The following RUNDC3B variants were observed in gnomAD, a reference collection of about 807,000 sequenced individuals.
The protein encoded by RUNDC3B is RUN domain containing 3B.
Under a neutral mutation model 58.4 loss-of-function variants are expected in RUNDC3B, and 33 were observed. The observed-to-expected ratio is 0.56, with a 90% CI of 0.43 to 0.75. RUNDC3B has a LOEUF of 0.75. RUNDC3B is among the 30% of genes least tolerant of loss of function. The pLI is 0.00. For synonymous variants in RUNDC3B, 193 were observed against 195.2 expected (o/e 0.99, Z 0.10); for missense variants, 501 against 535.7 (o/e 0.94, Z 0.64).
At chr7:87,640,291 C>T in intron 1 of RUNDC3B, among the ~76,000 whole-genome samples, 1 of 151,476 alleles carries the variant, frequency 6.6e-6, no homozygotes, top group East Asian at 1.9e-4. Flanking sequence ...CACATATTTA[C>T]CCTTTCCATT....
intron 10 of RUNDC3B, among the ~76,000 whole-genome samples, chr7:87,824,041 T>C (rs896977697): frequency 6.6e-6 from 1 of 152,330 alleles, no homozygotes; most frequent in East Asian, 1.9e-4. Context: ...TTCTGTATCC[T>C]ATTAAAGTAA....
At chr7:87,692,739 C>T (rs555234171) in intron 2 of RUNDC3B, among the ~76,000 whole-genome samples, 23 of 152,086 alleles carry the variant, frequency 1.5e-4, no homozygotes, top group Non-Finnish European at 3.1e-4. Flanking sequence ...ATGTTATTTG[C>T]AATGAAAAGC....
chr7:87,765,033 G>T (rs1833903222), intron 6 of RUNDC3B, among the ~76,000 whole-genome samples: 1 of 151,544 alleles, frequency 6.6e-6, no homozygotes, highest in African/African-American at 2.4e-5. Flanking sequence ...TTCAATCTTG[G>T]GAAGTGTAGG....
chr7:87,742,571 G>A (rs1584069492), intron 6 of RUNDC3B, among the ~76,000 whole-genome samples: 1 of 140,172 alleles, frequency 7.1e-6, no homozygotes, highest in South Asian at 2.3e-4. Flanking sequence ...TTCCATCATA[G>A]ATAAATAGAT....
chr7:87,638,811 G>C (rs574946656), intron 1 of RUNDC3B, among the ~76,000 whole-genome samples: 2 of 151,864 alleles, frequency 1.3e-5, no homozygotes, highest in Non-Finnish European at 2.9e-5. Flanking sequence ...CTGTCGACTC[G>C]TGTTATGACT....
At chr7:87,777,319 T>G (rs1834691138) in intron 7 of RUNDC3B, among the ~76,000 whole-genome samples, 2 of 152,214 alleles carry the variant, frequency 1.3e-5, no homozygotes, top group Admixed American at 6.5e-5. Flanking sequence ...CTTAAGTAAC[T>G]TGCCCAAGGA....
At chr7:87,661,261 A>G (rs1824685771) in intron 2 of RUNDC3B, among the ~76,000 whole-genome samples, 1 of 151,956 alleles carries the variant, frequency 6.6e-6, no homozygotes, top group Admixed American at 6.6e-5. Context: ...TGCATTACAA[A>G]CAATTCAATT....
chr7:87,643,089 A>G (rs1358827437), intron 1 of RUNDC3B, among the ~76,000 whole-genome samples: 2 of 151,960 alleles, frequency 1.3e-5, no homozygotes, highest in East Asian at 3.9e-4. Flanking sequence ...ACTAATTTTT[A>G]CATTTCCTTA....
intron 1 of RUNDC3B, among the ~76,000 whole-genome samples, chr7:87,639,705 T>G: frequency 6.6e-6 from 1 of 152,138 alleles, no homozygotes; most frequent in Non-Finnish European, 1.5e-5. Context: ...ACAGTTATAA[T>G]AGCTTTCTTT....
intron 2 of RUNDC3B, among the ~76,000 whole-genome samples, chr7:87,651,787 A>C (rs1823596360): frequency 6.6e-6 from 1 of 152,100 alleles, no homozygotes; most frequent in Non-Finnish European, 1.5e-5. Context: ...TAAGTGTTTA[A>C]ATGAGTTGAG....
chr7:87,700,680 G>A, intron 3 of RUNDC3B, 126 bp downstream of exon 3: 1 of 790,580 alleles, frequency 1.3e-6, no homozygotes. Context: ...AATACGTCCT[G>A]TTCTGTGATG....
At chr7:87,754,997 C>G (rs899207660) in intron 6 of RUNDC3B, among the ~76,000 whole-genome samples, 1 of 147,664 alleles carries the variant, frequency 6.8e-6, no homozygotes, top group Non-Finnish European at 1.5e-5. Flanking sequence ...CAAATTATAC[C>G]AGATATACAA....
intron 8 of RUNDC3B, among the ~76,000 whole-genome samples, chr7:87,795,965 A>C (rs955136763): frequency 6.6e-6 from 1 of 152,304 alleles, no homozygotes; most frequent in Admixed American, 6.5e-5. Flanking sequence ...GTATATACCC[A>C]AAAGAAAGGC....
chr7:87,816,388 A>G (rs761543980), intron 10 of RUNDC3B, 126 bp downstream of exon 10: 3 of 663,024 alleles, frequency 4.5e-6, no homozygotes, highest in Non-Finnish European at 7.3e-6. Flanking sequence ...AGCAGCCATT[A>G]TGATTAAAAA....
At chr7:87,664,659 G>C (rs146234837) in intron 2 of RUNDC3B, among the ~76,000 whole-genome samples, 10 of 152,186 alleles carry the variant, frequency 6.6e-5, no homozygotes, top group Admixed American at 2.0e-4. Flanking sequence ...GATGATAGAG[G>C]TGCGTATATG....
chr7:87,809,939 T>C (rs1584259285), intron 9 of RUNDC3B, among the ~76,000 whole-genome samples: 1 of 152,200 alleles, frequency 6.6e-6, no homozygotes, highest in Non-Finnish European at 1.5e-5. Context: ...AACAGACATT[T>C]ATTGAGAAAC....
At chr7:87,688,014 A>G (rs1180148717) in intron 2 of RUNDC3B, among the ~76,000 whole-genome samples, 1 of 152,186 alleles carries the variant, frequency 6.6e-6, no homozygotes, top group African/African-American at 2.4e-5. Context: ...AATTCATCCA[A>G]TAAAATCCCA....
chr7:87,785,980 G>A (rs999940159), intron 8 of RUNDC3B, among the ~76,000 whole-genome samples: 40 of 152,096 alleles, frequency 2.6e-4, no homozygotes, highest in Non-Finnish European at 5.6e-4. Flanking sequence ...ACCGAGAGCT[G>A]GTCCTTGTGC....
At chr7:87,806,358 C>G (rs1836432145) in intron 8 of RUNDC3B, among the ~76,000 whole-genome samples, 1 of 152,132 alleles carries the variant, frequency 6.6e-6, no homozygotes, top group Non-Finnish European at 1.5e-5. Context: ...CTCACTGACT[C>G]ACCTCTCTGT....
Sources: gnomAD v4.1 joint callset for allele counts (sites outside exome capture counted in the v4.1 genomes callset) on GRCh38, gnomAD v4.1.1 for gene constraint, MANE v1.5 for transcripts, NCBI Gene and HGNC (gene_info 2026-07-23, HGNC 2026-07-21) for gene names.